The following EHMT1 variants were observed in gnomAD, a reference collection of about 807,000 sequenced individuals.
EHMT1 encodes the protein histone-lysine N-methyltransferase EHMT1.
EHMT1 carries 15 observed loss-of-function variants against 147.2 expected under a neutral mutation model. That is an observed-to-expected ratio of 0.10 (90% CI 0.07 to 0.16). EHMT1 has a LOEUF of 0.16. Ranked by LOEUF, EHMT1 falls within the 10% of genes least tolerant of loss-of-function variation. EHMT1 has a pLI of 1.00. For missense variants in EHMT1, 1,587 were observed against 1,772.4 expected (o/e 0.90, Z 1.88); for synonymous variants, 795 against 709.6 (o/e 1.12, Z -1.91).
intron 10 of EHMT1, among the ~76,000 whole-genome samples, chr9:137,770,862 C>T (rs991585951): frequency 2.0e-5 from 3 of 152,226 alleles, no homozygotes; most frequent in African/African-American, 7.2e-5. Context: ...TCACAGCTGC[C>T]TGGATTGCCT....
intron 16 of EHMT1, among the ~76,000 whole-genome samples, chr9:137,796,702 T>TAAAAAAAAA (rs1952974557): frequency 6.5e-5 from 1 of 15,294 alleles, no homozygotes; most frequent in Non-Finnish European, 2.1e-4. Flanking sequence ...AGACTCCATC[T>TAAAAAAAAA]CAAAAAAAAA....
At chr9:137,694,145 G>A (rs1448425171) in intron 1 of EHMT1, among the ~76,000 whole-genome samples, 3 of 105,980 alleles carry the variant, frequency 2.8e-5, no homozygotes, top group Non-Finnish European at 3.8e-5. Context: ...GACGCTGGCC[G>A]ATACCCCCAC....
At chr9:137,620,565 T>A (rs575618553) in intron 1 of EHMT1, among the ~76,000 whole-genome samples, 1 of 152,098 alleles carries the variant, frequency 6.6e-6, no homozygotes, top group Non-Finnish European at 1.5e-5. Flanking sequence ...TTTTTTTGTA[T>A]TTTTTTGGTA....
At chr9:137,722,157 A>G (rs1356646822) in intron 3 of EHMT1, among the ~76,000 whole-genome samples, 1 of 152,140 alleles carries the variant, frequency 6.6e-6, no homozygotes, top group East Asian at 1.9e-4. Flanking sequence ...CTCTGAAGTT[A>G]TGCTTTTATT....
Position 137,835,054 on chromosome 9 carries a change from G to A in EHMT1, c.*101G>A, listed in dbSNP as rs1956506164. The A allele has an allele frequency of 1.6e-6, 2 of 1,283,894 alleles. No homozygotes were observed. The highest frequency in any genetic ancestry group is 3.8e-5 in the South Asian group (2 of 53,110). The allele number at this position is 1,283,894 out of a possible 1,614,324, so 79.5% of individuals were successfully genotyped here. A position where few individuals can be genotyped will look rare whatever the true frequency, so the allele number is the denominator to read the frequency against. ...CCGCACGCAACCGAAAGGGTCCTTC[G>A]GGGCTGCGCCGCCGGCTTCCTGGAG... On this transcript the variant is annotated 3_prime_UTR_variant, in exon 27 of 27. Transcript: ENST00000460843.
Position 137,659,951 on chromosome 9 carries a change from G to A in EHMT1, c.21+40902G>A, listed in dbSNP as rs1589147341. Among the ~76,000 whole-genome samples, 6 of 152,070 alleles carry A rather than the reference G, an allele frequency of 3.9e-5. No individual in the cohort carries two copies. The South Asian group carries it at 1.2e-3, about 32-fold the overall frequency. On this transcript the variant is annotated intron_variant, in intron 1 of 26. Coordinates refer to ENST00000460843, the MANE Select transcript of EHMT1 (RefSeq NM_024757.5). Reference sequence around the variant, plus strand: ...TTACCTAGATAGGTAGTGCTTAGCCGAGGTTTTGTTTTTGGCATGTAATTG... The same window carrying A: ...TTACCTAGATAGGTAGTGCTTAGCCAAGGTTTTGTTTTTGGCATGTAATTG...
rs552890425 is a variant in EHMT1 at position 137,743,860 on chromosome 9, G to A, written c.982-42G>A. On this transcript the variant is annotated intron_variant, in intron 5 of 26. Transcript: ENST00000460843. The stretch of plus-strand genomic sequence containing the variant: ...GTGAAAGCAAGTTTGTTCATGATGC[G>A]CACTGATCCTGCCTTGGGGTATACA... 62 of 1,576,594 alleles carry A rather than the reference G, an allele frequency of 3.9e-5. 1 individual carries two copies. Among genetic ancestry groups the A allele is most frequent in the Middle Eastern group, 4.2e-4 (2 of 4,818 alleles).
chr9:137,776,415 T>C lies in EHMT1; in HGVS notation c.1792-203T>C. 1 of 541,858 alleles carries C rather than the reference T, an allele frequency of 1.8e-6. No individual in the cohort carries two copies. The highest frequency in any genetic ancestry group is 3.3e-6 in the Non-Finnish European group (1 of 301,656). The allele number at this position is 541,858 out of a possible 1,614,324, so 33.6% of individuals were successfully genotyped here. A position where few individuals can be genotyped will look rare whatever the true frequency, so the allele number is the denominator to read the frequency against. On this transcript the variant is annotated intron_variant, in intron 11 of 26. Coordinates refer to ENST00000460843, the MANE Select transcript of EHMT1 (RefSeq NM_024757.5). The surrounding 1 kb of genome is among the most constrained non-coding windows in gnomAD (Gnocchi z 4.4). ...GTGACCTCTGTCTGGCTTCAGCTTC[T>C]TCTCTGTGGGGCGAGAGCACCACGG... is the stretch of plus-strand genomic sequence containing the variant.
intron 10 of EHMT1, among the ~76,000 whole-genome samples, chr9:137,770,377 G>A (rs960124420): frequency 2.0e-5 from 3 of 152,308 alleles, no homozygotes; most frequent in Non-Finnish European, 2.9e-5. Flanking sequence ...AGCGTTTTAC[G>A]CTGACGTTCT....
At chr9:137,781,042 T>TGACGCCGAGACGTGTGGTGAC (rs1951433071) in intron 14 of EHMT1, among the ~76,000 whole-genome samples, 3 of 111,420 alleles carry the variant, frequency 2.7e-5, no homozygotes, top group Non-Finnish European at 4.1e-5. Context: ...CGTGTGGTGA[T>TGACGCCGAGACGTGTGGTGAC]GACGCCGAGA....
Position 137,704,359 on chromosome 9 carries a change from C to T in EHMT1, c.22-6608C>T, listed in dbSNP as rs546857860. 3.3e-5 allele frequency among the ~76,000 whole-genome samples: 5 copies of T among 152,290 alleles called. No individual in the cohort carries two copies. In the South Asian group the frequency reaches 1.0e-3, roughly 32 times the overall value. On this transcript the variant is annotated intron_variant, in intron 1 of 26. Transcript: ENST00000460843. ...GAGGGAAGGACTGGGCCACTTTGTT[C>T]TCATAAACAAGCAGGACCAAGACCG...
intron 6 of EHMT1, among the ~76,000 whole-genome samples, chr9:137,750,075 C>T (rs905446406): frequency 6.6e-6 from 1 of 152,202 alleles, no homozygotes; most frequent in African/African-American, 2.4e-5. Context: ...TGAGAATATA[C>T]TCATCCATCT....
rs1949932853 is a variant in EHMT1, at chr9:137,762,817, T to C, written c.1644T>C (p.His548=). Reference sequence around the variant, plus strand: ...GCATGGCTACAGAGAGCGTGGACCATGAAGTAAGCACGTTTGTTTTCATTT... The same window carrying C: ...GCATGGCTACAGAGAGCGTGGACCACGAAGTAAGCACGTTTGTTTTCATTT... ...NQCMATESVD[H]ELGRCTNSVV... Residue 548 remains histidine, a synonymous_variant, in exon 10 of 27, where the codon CAT becomes CAC. Coordinates refer to ENST00000460843, the MANE Select transcript of EHMT1 (RefSeq NM_024757.5). 5.6e-6 allele frequency: 9 copies of C among 1,614,114 alleles called. No individual in the cohort carries two copies. The highest frequency in any genetic ancestry group is 2.2e-5 in the East Asian group (1 of 44,884).
At chr9:137,663,818 C>T (rs533042544) in intron 1 of EHMT1, among the ~76,000 whole-genome samples, 1 of 152,130 alleles carries the variant, frequency 6.6e-6, no homozygotes, top group African/African-American at 2.4e-5. Context: ...GATCCTCTCA[C>T]CTGGAGAGAA....
intron 1 of EHMT1, among the ~76,000 whole-genome samples, chr9:137,677,564 T>C (rs1941484537): frequency 6.6e-6 from 1 of 152,020 alleles, no homozygotes; most frequent in Non-Finnish European, 1.5e-5. Context: ...TTGGTGGGAC[T>C]ATAGGCGCCC....
At chr9:137,739,443 G>A (rs949538367) in intron 4 of EHMT1, among the ~76,000 whole-genome samples, 3 of 152,172 alleles carry the variant, frequency 2.0e-5, no homozygotes, top group Admixed American at 6.5e-5. Context: ...TGGGTTCAGT[G>A]TCCACACTTG....
At chr9:137,778,520 CTG>C (rs1350145292) in intron 13 of EHMT1, among the ~76,000 whole-genome samples, 1 of 152,226 alleles carries the variant, frequency 6.6e-6, no homozygotes, top group Non-Finnish European at 1.5e-5. Context: ...GCAGACCAGA[CTG>C]TGGCAGTGAG....
chr9:137,805,109 A>T (rs537155984), intron 18 of EHMT1, among the ~76,000 whole-genome samples: 1 of 118,118 alleles, frequency 8.5e-6, no homozygotes, highest in African/African-American at 9.1e-5. Flanking sequence ...TGTGTGAGTC[A>T]GTCATCTGCA....
At chr9:137,670,985 G>C (rs1473425312) in intron 1 of EHMT1, among the ~76,000 whole-genome samples, 2 of 152,186 alleles carry the variant, frequency 1.3e-5, no homozygotes, top group East Asian at 3.9e-4. Flanking sequence ...GTCCACTGTT[G>C]TGTGACTCTT....
Sources: allele counts gnomAD v4.1 joint callset (sites outside exome capture counted in the v4.1 genomes callset), GRCh38; gene constraint gnomAD v4.1.1; non-coding constraint Gnocchi (gnomAD v3.1); transcripts MANE v1.5; gene names NCBI Gene and HGNC (gene_info 2026-07-23, HGNC 2026-07-21).